The following SRD5A2 variants were observed in gnomAD, a reference collection of about 807,000 sequenced individuals.
The protein encoded by SRD5A2 is 3-oxo-5-alpha-steroid 4-dehydrogenase 2.
Under a neutral mutation model 27.4 loss-of-function variants are expected in SRD5A2, and 30 were observed. The ratio of observed to expected loss-of-function variants is 1.10; its 90% CI spans 0.82 to 1.49. The LOEUF is 1.49. Ranked by LOEUF, SRD5A2 falls within the 40% of genes most tolerant of loss-of-function variation. SRD5A2 has a pLI of 0.00. For missense variants in SRD5A2, 348 were observed against 323.4 expected (o/e 1.08, Z -0.58); for synonymous variants, 141 against 133.6 (o/e 1.06, Z -0.38).
intron 1 of SRD5A2, among the ~76,000 whole-genome samples, chr2:31,553,718 G>A (rs981480914): frequency 2.0e-5 from 3 of 152,180 alleles, no homozygotes; most frequent in Admixed American, 2.0e-4. Context: ...GATATTTGAG[G>A]AGTTTGGACA....
chr2:31,557,259 T>G (rs1277684940), intron 1 of SRD5A2, among the ~76,000 whole-genome samples: 1 of 152,234 alleles, frequency 6.6e-6, no homozygotes, highest in Admixed American at 6.5e-5. Context: ...CTTGGGCACA[T>G]GACTTTGAGC....
intron 1 of SRD5A2, among the ~76,000 whole-genome samples, chr2:31,558,155 C>T (rs1666538812): frequency 6.6e-6 from 1 of 152,140 alleles, no homozygotes; most frequent in African/African-American, 2.4e-5. Context: ...TTGGCCAGAC[C>T]TTTAGTGTAG....
the SRD5A2 span, among the ~76,000 whole-genome samples, chr2:31,603,171 A>C: frequency 2.0e-5 from 3 of 152,148 alleles, no homozygotes; most frequent in African/African-American, 7.2e-5. Context: ...TATCCATCTG[A>C]CAAAGGTCTA....
intron 1 of SRD5A2, among the ~76,000 whole-genome samples, chr2:31,564,694 A>C (rs1220538511): frequency 6.6e-6 from 1 of 152,070 alleles, no homozygotes; most frequent in Non-Finnish European, 1.5e-5. Flanking sequence ...TAAGGGCAAG[A>C]ACAGATTTCT....
At chr2:31,654,765 G>A in the SRD5A2 span, among the ~76,000 whole-genome samples, 2 of 152,202 alleles carry the variant, frequency 1.3e-5, no homozygotes, top group Non-Finnish European at 2.9e-5. Context: ...TCTGATGCCA[G>A]TATCAGGCAC....
At position 31,523,855 on chromosome 2, in the gene SRD5A2, T is replaced by G. The variant is rs1010924322; in HGVS notation, c.*2341A>C. 4.6e-6 allele frequency: 1 copy of G among 219,580 alleles called. No homozygotes were observed. Among genetic ancestry groups the G allele is most frequent in the Non-Finnish European group, 9.1e-6 (1 of 109,552 alleles). The allele number at this position is 219,580 out of a possible 1,614,324, so 13.6% of individuals were successfully genotyped here. ...GCCCTAAACAATGACAAACTGTCAT[T>G]GAACACAACAGCCCTAGAACACTGA... is the stretch of plus-strand genomic sequence containing the variant. On this transcript the variant is annotated 3_prime_UTR_variant, in exon 5 of 5. Transcript: ENST00000622030.
intron 1 of SRD5A2, among the ~76,000 whole-genome samples, chr2:31,535,669 T>C (rs921064638): frequency 3.9e-5 from 6 of 152,156 alleles, no homozygotes; most frequent in African/African-American, 1.4e-4. Flanking sequence ...GCAGAATGCC[T>C]CCCACCCCAC....
the SRD5A2 span, among the ~76,000 whole-genome samples, chr2:31,630,252 G>T: frequency 0.64 from 97,126 of 151,782 alleles, 31,255 homozygotes; most frequent in Middle Eastern, 0.67. Flanking sequence ...GAAAACGTAA[G>T]AGATTAGGAT....
intron 1 of SRD5A2, among the ~76,000 whole-genome samples, chr2:31,538,948 G>T (rs1224431052): frequency 6.6e-6 from 1 of 152,190 alleles, no homozygotes; most frequent in Admixed American, 6.5e-5. Context: ...AGCAGGCCTG[G>T]AATGAATTTT....
intron 1 of SRD5A2, among the ~76,000 whole-genome samples, chr2:31,579,794 T>A (rs1667032591): frequency 6.6e-6 from 1 of 152,208 alleles, no homozygotes; most frequent in Non-Finnish European, 1.5e-5. Context: ...GGACAGTCTT[T>A]CTCTGAACCC....
upstream of SRD5A2, among the ~76,000 whole-genome samples, chr2:31,581,656 C>T (rs1667086224): frequency 6.6e-6 from 1 of 152,176 alleles, no homozygotes; most frequent in East Asian, 1.9e-4. Context: ...GGTGATCATG[C>T]ACAGATTGGG....
At chr2:31,542,375 G>GC (rs1666146056) in intron 1 of SRD5A2, among the ~76,000 whole-genome samples, 1 of 152,082 alleles carries the variant, frequency 6.6e-6, no homozygotes, top group South Asian at 2.1e-4. Flanking sequence ...TCCAGGCATG[G>GC]ATGGCACACA....
the SRD5A2 span, among the ~76,000 whole-genome samples, chr2:31,634,471 A>C: frequency 3.3e-5 from 5 of 152,140 alleles, no homozygotes; most frequent in African/African-American, 1.2e-4. Context: ...AAGAATTTTG[A>C]AGAAATATTA....
intron 4 of SRD5A2, 124 bp downstream of exon 4, chr2:31,529,183 T>C (rs973564206): frequency 1.5e-6 from 2 of 1,340,482 alleles, no homozygotes; most frequent in African/African-American, 1.5e-5. Context: ...ACCCAGATTA[T>C]AGTATCAACC....
chr2:31,547,083 A>T (rs891727642), intron 1 of SRD5A2, among the ~76,000 whole-genome samples: 10 of 152,124 alleles, frequency 6.6e-5, no homozygotes, highest in African/African-American at 2.4e-4. Flanking sequence ...GGGCAACAAG[A>T]GTGAAACTCC....
At chr2:31,547,600 A>T (rs1411780925) in intron 1 of SRD5A2, among the ~76,000 whole-genome samples, 1 of 152,256 alleles carries the variant, frequency 6.6e-6, no homozygotes, top group Non-Finnish European at 1.5e-5. Context: ...TTGTATCATG[A>T]GACAAGTTCA....
At chr2:31,528,146 G>A (rs866618643) in intron 4 of SRD5A2, among the ~76,000 whole-genome samples, 1 of 152,184 alleles carries the variant, frequency 6.6e-6, no homozygotes. Flanking sequence ...TTCAGAGGGA[G>A]GGTTCTGAAA....
intron 1 of SRD5A2, among the ~76,000 whole-genome samples, chr2:31,554,872 G>C (rs556334306): frequency 6.6e-6 from 1 of 151,336 alleles, no homozygotes; most frequent in East Asian, 1.9e-4. Flanking sequence ...GGCTTATTCT[G>C]TTTATGTGCC....
chr2:31,549,938 G>A (rs1211391520), intron 1 of SRD5A2, among the ~76,000 whole-genome samples: 15 of 152,186 alleles, frequency 9.9e-5, no homozygotes, highest in Admixed American at 9.8e-4. Flanking sequence ...ACAGCAGAAT[G>A]CACATTCTTT....
Sources: allele counts gnomAD v4.1 joint callset (sites outside exome capture counted in the v4.1 genomes callset), GRCh38; gene constraint gnomAD v4.1.1; transcripts MANE v1.5; gene names NCBI Gene and HGNC (gene_info 2026-07-23, HGNC 2026-07-21).